The following NCK2 variants were observed in gnomAD, a reference collection of about 807,000 sequenced individuals.
NCK2 encodes the protein NCK adaptor protein 2, also known as cytoplasmic protein NCK2.
Under a neutral mutation model 33.9 loss-of-function variants are expected in NCK2, and 16 were observed. The observed-to-expected ratio is 0.47, with a 90% CI of 0.32 to 0.72. The LOEUF (loss-of-function observed/expected upper bound fraction) is 0.72. Among genes scored for constraint, NCK2 ranks in the 30% least tolerant of loss-of-function variants. The pLI is 0.03. For missense variants in NCK2, 418 were observed against 537.3 expected, an observed-to-expected ratio of 0.78 and a Z score of 2.19; for synonymous variants, 273 against 239.9, an observed-to-expected ratio of 1.14 and a Z score of -1.27.
intron 3 of NCK2, among the ~76,000 whole-genome samples, chr2:105,861,544 T>C (rs549617818): frequency 3.3e-5 from 5 of 150,670 alleles, no homozygotes; most frequent in African/African-American, 1.2e-4. Flanking sequence ...AGACGGTGTC[T>C]TGCTCTGTCA....
intron 1 of NCK2, among the ~76,000 whole-genome samples, chr2:105,811,143 C>T (rs1675280314): frequency 1.4e-5 from 2 of 144,626 alleles, no homozygotes; most frequent in South Asian, 2.3e-4. Flanking sequence ...CCACTGCACT[C>T]CAGCCTGGTG....
At chr2:105,745,639 C>A (rs990932018) in intron 1 of NCK2, 6 of 152,240 alleles carry the variant, frequency 3.9e-5, no homozygotes, top group African/African-American at 1.2e-4. Context: ...CGCGATCGGC[C>A]GGGAGAACTT....
chr2:105,796,336 A>G (rs1558841245), intron 1 of NCK2, among the ~76,000 whole-genome samples: 1 of 152,186 alleles, frequency 6.6e-6, no homozygotes, highest in African/African-American at 2.4e-5. Context: ...GGTTAGTGTC[A>G]GTTTATCTTA....
At chr2:105,755,138 GA>G (rs1689564532) in intron 1 of NCK2, among the ~76,000 whole-genome samples, 1 of 152,128 alleles carries the variant, frequency 6.6e-6, no homozygotes, top group Non-Finnish European at 1.5e-5. Context: ...CTTGGATTTA[GA>G]AGGTTCTCTT....
rs200549046 is a variant in NCK2, at chr2:105,796,531, G to GA, written c.-200-19898dup. Among the ~76,000 whole-genome samples the GA allele has an allele frequency of 8.1e-3, 1,241 of 152,314 alleles. 23 individuals are homozygous for GA. Among genetic ancestry groups the GA allele is most frequent in the African/African-American group, 0.028 (1,171 of 41,554 alleles). On this transcript the variant is annotated intron_variant, in intron 1 of 4. Transcript: ENST00000233154. ...GCACCGGTTGCAGAGAGGGCCTGGG[G>GA]ACATGAGTGTGTGGCACAGAACGCA...
At chr2:105,891,808 A>G (rs962099049) in intron 4 of NCK2, among the ~76,000 whole-genome samples, 3 of 152,108 alleles carry the variant, frequency 2.0e-5, no homozygotes, top group African/African-American at 7.2e-5. Flanking sequence ...TGGCCTCCCA[A>G]AGTGCTGAGA....
At chr2:105,779,306 C>CAA (rs780590996) in intron 1 of NCK2, among the ~76,000 whole-genome samples, 26,946 of 118,906 alleles carry the variant, frequency 0.23, 4,652 homozygotes, top group African/African-American at 0.48. Flanking sequence ...GACTCCGTCT[C>CAA]AAAAAAAAAA....
rs1378932235 is a variant in NCK2 at position 105,851,500 on chromosome 2, G to T, written c.-16-3548G>T. Reference sequence around the variant, plus strand: ...TTTCCATCTCCTGACCTCGTGAAGCGCCTGCCTGGGGCTCCCAAAGTGCTG... The same window carrying T: ...TTTCCATCTCCTGACCTCGTGAAGCTCCTGCCTGGGGCTCCCAAAGTGCTG... On this transcript the variant is annotated intron_variant, in intron 2 of 4. Transcript: ENST00000233154. 2.0e-5 allele frequency among the ~76,000 whole-genome samples: 3 copies of T among 152,084 alleles called. No individual in the cohort carries two copies. The South Asian group carries it at 6.2e-4, about 32-fold the overall frequency.
At chr2:105,869,577 G>T (rs1039944158) in intron 3 of NCK2, among the ~76,000 whole-genome samples, 8 of 152,162 alleles carry the variant, frequency 5.3e-5, no homozygotes, top group South Asian at 2.1e-4. Flanking sequence ...GTGTTCCCCC[G>T]TGAATGTGCT....
At chr2:105,802,832 C>G (rs1372807295) in intron 1 of NCK2, among the ~76,000 whole-genome samples, 3 of 151,836 alleles carry the variant, frequency 2.0e-5, no homozygotes, top group African/African-American at 7.3e-5. Context: ...TGGATGATGA[C>G]TGATCATCTG....
intron 1 of NCK2, among the ~76,000 whole-genome samples, chr2:105,810,685 G>C (rs946400147): frequency 8.5e-5 from 13 of 152,122 alleles, no homozygotes; most frequent in Non-Finnish European, 1.6e-4. Flanking sequence ...TTGGACTAGA[G>C]GAAAAACCTT....
intron 4 of NCK2, among the ~76,000 whole-genome samples, chr2:105,888,047 G>A (rs139960621): frequency 2.4e-4 from 37 of 152,316 alleles, no homozygotes; most frequent in African/African-American, 7.5e-4. Context: ...TGGGGATGTG[G>A]AGCTAAATAG....
At chr2:105,879,938 A>G (rs189068509) in intron 3 of NCK2, among the ~76,000 whole-genome samples, 95 of 152,350 alleles carry the variant, frequency 6.2e-4, no homozygotes, top group African/African-American at 2.2e-3. Flanking sequence ...ATTAAGGTAG[A>G]GGTCGAAGCA....
chr2:105,822,110 A>C (rs1309134623), intron 2 of NCK2, among the ~76,000 whole-genome samples: 1 of 151,966 alleles, frequency 6.6e-6, no homozygotes, highest in Admixed American at 6.5e-5. Flanking sequence ...TTACTGTACC[A>C]GGAATTTCGT....
chr2:105,892,143 C>G (rs1284350838), intron 4 of NCK2, among the ~76,000 whole-genome samples: 1 of 151,580 alleles, frequency 6.6e-6, no homozygotes, highest in Non-Finnish European at 1.5e-5. Context: ...AAGATCACAC[C>G]ATTGCACTCT....
At chr2:105,822,221 G>A (rs1437615440) in intron 2 of NCK2, among the ~76,000 whole-genome samples, 1 of 152,134 alleles carries the variant, frequency 6.6e-6, no homozygotes, top group African/African-American at 2.4e-5. Context: ...ACTTTGGGAG[G>A]TTTGAGAAGG....
At chr2:105,822,302 G>C (rs778477944) in intron 2 of NCK2, among the ~76,000 whole-genome samples, 5 of 150,270 alleles carry the variant, frequency 3.3e-5, no homozygotes, top group Non-Finnish European at 7.4e-5. Flanking sequence ...CAGCTTAACA[G>C]CTCCTGTGGC....
intron 2 of NCK2, among the ~76,000 whole-genome samples, chr2:105,845,703 T>C (rs903760205): frequency 6.6e-6 from 1 of 152,090 alleles, no homozygotes; most frequent in African/African-American, 2.4e-5. Context: ...CGAGGTTTTT[T>C]TGAAGTAGAT....
rs535626827 is a variant in NCK2 at position 105,842,738 on chromosome 2, G to A, written c.-16-12310G>A. Among the ~76,000 whole-genome samples, 9 of 152,316 alleles carry A rather than the reference G, an allele frequency of 5.9e-5. No individual in the cohort carries two copies. In the South Asian group the frequency reaches 1.9e-3, roughly 32 times the overall value. ...GTACTCACAGCAAAGACTGCAGGTG[G>A]GCTCTGGGAGGCCTGACTGGGTTGG... On this transcript the variant is annotated intron_variant, in intron 2 of 4. Coordinates refer to ENST00000233154, the MANE Select transcript of NCK2 (RefSeq NM_003581.5).
Sources: gnomAD v4.1 joint callset for allele counts (sites outside exome capture counted in the v4.1 genomes callset) on GRCh38, gnomAD v4.1.1 for gene constraint, MANE v1.5 for transcripts, NCBI Gene and HGNC (gene_info 2026-07-23, HGNC 2026-07-21) for gene names.